The following DOCK3 variants were observed in gnomAD, a reference collection of about 807,000 sequenced individuals.
The protein encoded by DOCK3 is dedicator of cytokinesis protein 3.
Under a neutral mutation model 265.6 loss-of-function variants are expected in DOCK3, and 60 were observed. The observed-to-expected ratio is 0.23, with a 90% CI of 0.18 to 0.28. The LOEUF (loss-of-function observed/expected upper bound fraction) is 0.28, where lower values mean the gene tolerates loss of function less well. DOCK3 is among the 10% of genes least tolerant of loss of function. The pLI is 1.00. For missense variants in DOCK3, 1,981 were observed against 2,594.3 expected (o/e 0.76, Z 5.14); for synonymous variants, 881 against 938.0 (o/e 0.94, Z 1.11).
intron 40 of DOCK3, among the ~76,000 whole-genome samples, chr3:51,351,051 T>G (rs2085941120): frequency 6.6e-6 from 1 of 152,216 alleles, no homozygotes; most frequent in South Asian, 2.1e-4. Flanking sequence ...AAAGGATGAC[T>G]GAGCATAGAT....
chr3:50,878,912 A>C (rs1210300200), intron 3 of DOCK3, among the ~76,000 whole-genome samples: 1 of 152,264 alleles, frequency 6.6e-6, no homozygotes, highest in Non-Finnish European at 1.5e-5. Flanking sequence ...GAAGCCCATC[A>C]GACTAACAGC....
At chr3:50,741,398 A>C in intron 1 of DOCK3, among the ~76,000 whole-genome samples, 1 of 146,766 alleles carries the variant, frequency 6.8e-6, no homozygotes, top group African/African-American at 2.5e-5. Context: ...AGCATTAGGT[A>C]TATCTCCTAA....
chr3:50,907,663 A>G (rs759802206), intron 4 of DOCK3, among the ~76,000 whole-genome samples: 4 of 151,970 alleles, frequency 2.6e-5, no homozygotes, highest in Admixed American at 2.6e-4. Flanking sequence ...ACATGAGATG[A>G]GTCTCCTGAA....
In DOCK3 at chr3:51,155,751, C is replaced by T. The variant is rs576491863; in HGVS notation, c.829-3493C>T. ...CCAAGGAGAATATGTTTTATACTTA[C>T]GTGGACGGCCAATACAATGAGGATT... On this transcript the variant is annotated intron_variant, in intron 10 of 52. Transcript: ENST00000266037. Among the ~76,000 whole-genome samples the T allele has an allele frequency of 3.9e-5, 6 of 152,220 alleles. No individual in the cohort carries two copies. The South Asian group carries it at 8.3e-4, about 21-fold the overall frequency.
chr3:50,859,271 A>G (rs905584454), intron 3 of DOCK3, among the ~76,000 whole-genome samples: 1 of 131,372 alleles, frequency 7.6e-6, no homozygotes, highest in African/African-American at 3.0e-5. Flanking sequence ...GCTGGAGTAC[A>G]GTGGCATGAA....
chr3:51,125,540 TATC>T (rs751788033), intron 9 of DOCK3, among the ~76,000 whole-genome samples: 5 of 152,146 alleles, frequency 3.3e-5, no homozygotes, highest in South Asian at 2.1e-4. Context: ...TGACATGTAA[TATC>T]ATATTAAACA....
chr3:50,867,026 G>A (rs1422808146), intron 3 of DOCK3, among the ~76,000 whole-genome samples: 1 of 152,154 alleles, frequency 6.6e-6, no homozygotes, highest in South Asian at 2.1e-4. Context: ...TCTTTGGGAA[G>A]TATAAACACT....
chr3:51,145,775 C>G (rs1479121977), intron 9 of DOCK3, among the ~76,000 whole-genome samples: 4 of 152,016 alleles, frequency 2.6e-5, no homozygotes, highest in Non-Finnish European at 5.9e-5. Flanking sequence ...GTTTTTGGCA[C>G]CAGTGACCAA....
At chr3:50,723,486 C>T (rs918760668) in intron 1 of DOCK3, among the ~76,000 whole-genome samples, 25 of 152,084 alleles carry the variant, frequency 1.6e-4, no homozygotes, top group Non-Finnish European at 3.2e-4. Flanking sequence ...GCCTGGCCAA[C>T]ATCGCGAAAC....
At chr3:51,228,530 C>T (rs2090423026) in intron 17 of DOCK3, 131 bp from the exon 18 acceptor site, 1 of 993,620 alleles carries the variant, frequency 1.0e-6, no homozygotes, top group Non-Finnish European at 1.5e-6. Context: ...AAGTACTCTT[C>T]CAAGAGGACC....
At chr3:50,778,824 T>C in intron 2 of DOCK3, 66 bp downstream of exon 2, 1 of 1,124,966 alleles carries the variant, frequency 8.9e-7, no homozygotes, top group Non-Finnish European at 1.3e-6. Context: ...ACATTTATTT[T>C]GTGCTAATAA....
intron 12 of DOCK3, among the ~76,000 whole-genome samples, chr3:51,187,965 GATGTGCCTTCATGTA>G (rs1332378655): frequency 6.6e-6 from 1 of 152,100 alleles, no homozygotes; most frequent in African/African-American, 2.4e-5. Context: ...GATTTCTCAA[GATGTGCCTTCATGTA>G]ATATGATTGT....
At chr3:51,212,325 C>T (rs1476644216) in intron 13 of DOCK3, among the ~76,000 whole-genome samples, 1 of 152,052 alleles carries the variant, frequency 6.6e-6, no homozygotes. Context: ...ATGAGTTTCA[C>T]TTTGCTTCTG....
rs573490064 is a variant in DOCK3 at position 50,724,712 on chromosome 3, G to A, written c.37+49412G>A. Among the ~76,000 whole-genome samples the A allele has an allele frequency of 2.0e-5, 3 of 152,208 alleles. No individual in the cohort carries two copies. In the East Asian group the frequency reaches 5.8e-4, roughly 29 times the overall value. ...GGGATGGGGGTCTGGGGGAGGGATA[G>A]CATTAGGAGAAATACGTAATGTAAG... On this transcript the variant is annotated intron_variant, in intron 1 of 52. Coordinates refer to ENST00000266037, the MANE Select transcript of DOCK3 (RefSeq NM_004947.5).
intron 10 of DOCK3, among the ~76,000 whole-genome samples, chr3:51,155,575 A>G (rs1292630333): frequency 6.6e-6 from 1 of 152,206 alleles, no homozygotes; most frequent in African/African-American, 2.4e-5. Context: ...GGAAAAGGGA[A>G]TCATACAAAC....
chr3:50,837,633 A>ATATT (rs2045583989), intron 2 of DOCK3, among the ~76,000 whole-genome samples: 1 of 152,192 alleles, frequency 6.6e-6, no homozygotes, highest in Non-Finnish European at 1.5e-5. Flanking sequence ...GAGCCAGGCC[A>ATATT]TATTAGTGGG....
In DOCK3 at chr3:50,688,647, G is replaced by A. The variant is rs553203722; in HGVS notation, c.37+13347G>A. Among the ~76,000 whole-genome samples, 5 of 152,246 alleles carry A rather than the reference G, an allele frequency of 3.3e-5. No homozygotes were observed. The South Asian group carries it at 1.0e-3, about 32-fold the overall frequency. On this transcript the variant is annotated intron_variant, in intron 1 of 52. Coordinates refer to ENST00000266037, the MANE Select transcript of DOCK3 (RefSeq NM_004947.5). ...CTGACTAATTTTTGTATTTTTAGTA[G>A]AGACAGAGTTTCACCATGTTGGCTA...
intron 12 of DOCK3, among the ~76,000 whole-genome samples, chr3:51,178,890 G>A (rs1226187445): frequency 6.6e-6 from 1 of 152,230 alleles, no homozygotes; most frequent in Non-Finnish European, 1.5e-5. Flanking sequence ...GACTCATTGA[G>A]CACTCACCAT....
chr3:50,891,748 T>C (rs1271578508), intron 4 of DOCK3, among the ~76,000 whole-genome samples: 1 of 152,120 alleles, frequency 6.6e-6, no homozygotes, highest in Non-Finnish European at 1.5e-5. Flanking sequence ...AAAGGAGATA[T>C]AGATGAAATC....
Sources: allele counts gnomAD v4.1 joint callset (sites outside exome capture counted in the v4.1 genomes callset), GRCh38; gene constraint gnomAD v4.1.1; transcripts MANE v1.5; gene names NCBI Gene and HGNC (gene_info 2026-07-23, HGNC 2026-07-21).